Variants in RBMS3 observed in about 807,000 individuals in gnomAD.
RBMS3 encodes RNA-binding motif, single-stranded-interacting protein 3.
A neutral mutation model predicts 66.8 loss-of-function variants in RBMS3; 27 were observed. The ratio of observed to expected loss-of-function variants is 0.40; its 90% CI spans 0.30 to 0.56. The LOEUF (loss-of-function observed/expected upper bound fraction) is 0.56. Among genes scored for constraint, RBMS3 ranks in the 20% least tolerant of loss-of-function variants. The pLI is 0.40. For missense variants in RBMS3, 513 were observed against 549.5 expected (o/e 0.93, Z 0.66); for synonymous variants, 188 against 183.0 (o/e 1.03, Z -0.22).
intron 1 of RBMS3, among the ~76,000 whole-genome samples, chr3:29,411,548 C>T (rs957209209): frequency 2.6e-5 from 4 of 152,114 alleles, no homozygotes; most frequent in African/African-American, 7.2e-5. Flanking sequence ...GACTTCCAAA[C>T]TAGTTATTAT....
chr3:29,804,128 G>T (rs2057471292), intron 6 of RBMS3, among the ~76,000 whole-genome samples: 1 of 151,944 alleles, frequency 6.6e-6, no homozygotes, highest in Non-Finnish European at 1.5e-5. Flanking sequence ...ACAAAACTTG[G>T]TATTTTAACT....
At chr3:29,360,550 A>G (rs1029172069) in intron 1 of RBMS3, among the ~76,000 whole-genome samples, 8 of 151,966 alleles carry the variant, frequency 5.3e-5, no homozygotes, top group Non-Finnish European at 8.8e-5. Context: ...AGTTCTGTAG[A>G]TGTCTATTAG....
At chr3:29,665,484 A>G (rs933016249) in intron 4 of RBMS3, among the ~76,000 whole-genome samples, 3 of 152,292 alleles carry the variant, frequency 2.0e-5, no homozygotes, top group East Asian at 1.9e-4. Flanking sequence ...CCCTTTCCAA[A>G]CACTATCTGT....
At chr3:29,583,513 G>C (rs777260614) in intron 3 of RBMS3, among the ~76,000 whole-genome samples, 2 of 152,044 alleles carry the variant, frequency 1.3e-5, no homozygotes, top group South Asian at 4.1e-4. Context: ...TATTTATTAA[G>C]CATAGGCTAG....
intron 1 of RBMS3, among the ~76,000 whole-genome samples, chr3:29,295,187 T>C (rs1426819473): frequency 1.4e-4 from 21 of 150,690 alleles, no homozygotes; most frequent in Admixed American, 6.7e-5. Context: ...CAAGTTGTGC[T>C]GAATCTCCTA....
intron 14 of RBMS3, among the ~76,000 whole-genome samples, chr3:29,994,935 C>T (rs1397235355): frequency 2.6e-5 from 4 of 152,216 alleles, no homozygotes; most frequent in African/African-American, 4.8e-5. Context: ...ATGACTTTGA[C>T]GAGCTGAGAG....
chr3:29,285,191 C>G (rs563095247), intron 1 of RBMS3, among the ~76,000 whole-genome samples: 4 of 130,048 alleles, frequency 3.1e-5, no homozygotes, highest in Non-Finnish European at 4.7e-5. Context: ...TTATGAGATC[C>G]CAGCTGAATT....
chr3:29,935,312 C>A (rs2061237690), intron 10 of RBMS3, among the ~76,000 whole-genome samples: 1 of 152,010 alleles, frequency 6.6e-6, no homozygotes, highest in Non-Finnish European at 1.5e-5. Flanking sequence ...TCTGTAATTT[C>A]TTTTATCCCC....
chr3:29,395,995 C>A (rs930190634), intron 1 of RBMS3, among the ~76,000 whole-genome samples: 2 of 152,124 alleles, frequency 1.3e-5, no homozygotes, highest in Non-Finnish European at 2.9e-5. Context: ...GGCATCTCTT[C>A]ATAAATTGCT....
chr3:29,717,012 A>C (rs1283075290), intron 4 of RBMS3, among the ~76,000 whole-genome samples: 1 of 152,054 alleles, frequency 6.6e-6, no homozygotes, highest in Admixed American at 6.6e-5. Context: ...GAGTAGCACA[A>C]GCTACATTAT....
At chr3:29,659,132 T>A (rs1466975652) in intron 4 of RBMS3, among the ~76,000 whole-genome samples, 1 of 152,180 alleles carries the variant, frequency 6.6e-6, no homozygotes, top group Non-Finnish European at 1.5e-5. Flanking sequence ...TCACTGTTTT[T>A]AAATAAACTT....
chr3:29,564,114 C>T (rs7652412), intron 3 of RBMS3, among the ~76,000 whole-genome samples: 17,949 of 151,914 alleles, frequency 0.12, 1,818 homozygotes, highest in African/African-American at 0.27. Context: ...TCTTTTAAAA[C>T]ATATGTATGT....
chr3:29,711,442 C>G (rs2053165235), intron 4 of RBMS3, among the ~76,000 whole-genome samples: 3 of 152,094 alleles, frequency 2.0e-5, no homozygotes, highest in Non-Finnish European at 4.4e-5. Flanking sequence ...TGGACTTGGC[C>G]TGAGTATGAA....
chr3:29,592,723 G>A (rs974925390), intron 4 of RBMS3, among the ~76,000 whole-genome samples: 24 of 152,000 alleles, frequency 1.6e-4, no homozygotes, highest in African/African-American at 5.8e-4. Flanking sequence ...CTTTATTGCG[G>A]CACTATTCAT....
intron 4 of RBMS3, chr3:29,730,989 G>T (rs912141700): frequency 6.1e-6 from 6 of 985,356 alleles, no homozygotes; most frequent in Non-Finnish European, 7.2e-6. Context: ...ATCCAATCTG[G>T]CCACCTGTTC....
rs1014139224 is a variant in RBMS3 at position 29,378,627 on chromosome 3, A to G, written c.76-56116A>G. Among the ~76,000 whole-genome samples the G allele has an allele frequency of 3.3e-5, 5 of 152,256 alleles. No individual in the cohort carries two copies. The East Asian group carries it at 9.6e-4, about 29-fold the overall frequency. On this transcript the variant is annotated intron_variant, in intron 1 of 14. Transcript: ENST00000383767. ...ATTCATATTTACCAGCCAGGCAAGT[A>G]GTATTAGCTGTTATAAGTAAAGGTA...
Position 29,434,899 on chromosome 3 carries a change from A to G in RBMS3, c.232A>G (p.Ile78Val). ...LPPGTTDQDLIKLCQPYGKIV... is the reference protein window; with the variant it reads ...LPPGTTDQDLVKLCQPYGKIV... ...ACCAGGCACCACTGACCAGGACCTA[A>G]TCAAGCTGTGCCAACCGTAAGTGTC... Residue 78 changes from isoleucine (I) to valine (V), a missense_variant, in exon 2 of 15, where the codon ATC becomes GTC. By Grantham distance (29) the Ile-to-Val change is conservative (BLOSUM62 3). Transcript: ENST00000383767. 2 of 1,613,546 alleles carry G rather than the reference A, an allele frequency of 1.2e-6. No homozygotes were observed. The highest frequency in any genetic ancestry group is 4.5e-5 in the East Asian group (2 of 44,854).
chr3:29,490,052 A>G (rs1411876109), intron 3 of RBMS3, among the ~76,000 whole-genome samples: 4 of 150,808 alleles, frequency 2.7e-5, no homozygotes, highest in Non-Finnish European at 5.9e-5. Context: ...CAAAAAAAAA[A>G]AAAAAAAAAA....
At chr3:29,922,994 T>G (rs144345787) in intron 10 of RBMS3, among the ~76,000 whole-genome samples, 23 of 152,294 alleles carry the variant, frequency 1.5e-4, no homozygotes, top group African/African-American at 4.8e-4. Flanking sequence ...AACCAGATGT[T>G]TTCACCTGAA....
Sources: allele counts gnomAD v4.1 joint callset (sites outside exome capture counted in the v4.1 genomes callset), GRCh38; gene constraint gnomAD v4.1.1; transcripts MANE v1.5; gene names NCBI Gene and HGNC (gene_info 2026-07-23, HGNC 2026-07-21).